Variants in NPHP4 observed in about 807,000 individuals in gnomAD.
The protein encoded by NPHP4 is nephrocystin-4.
In NPHP4, 151 loss-of-function variants were observed where a neutral mutation model predicts 155.8. That is an observed-to-expected ratio of 0.97 (90% CI 0.85 to 1.11). The LOEUF (loss-of-function observed/expected upper bound fraction) is 1.11, where lower values mean the gene tolerates loss of function less well. Among genes scored for constraint, NPHP4 ranks in the 50% least tolerant of loss-of-function variants. The pLI is 0.00. For missense variants in NPHP4, 1,956 were observed against 1,925.7 expected (o/e 1.02, Z -0.29); for synonymous variants, 845 against 816.8 (o/e 1.03, Z -0.59).
intron 18 of NPHP4, among the ~76,000 whole-genome samples, chr1:5,884,247 C>T (rs1310666338): frequency 6.6e-6 from 1 of 152,160 alleles, no homozygotes; most frequent in Non-Finnish European, 1.5e-5. Flanking sequence ...TGCAGCTGGA[C>T]CAAAGCCCGC....
Position 5,978,330 on chromosome 1 carries a change from C to T in NPHP4, c.219G>A (p.Arg73=). The part of the protein sequence containing the change: ...FDVTYRHFFG[R]TWKTTVKPTK... ...TCGGCTTCACTGTGGTTTTCCACGT[C>T]CTCCCAAAGAAGTGCCGGTAGGTGA... is the stretch of plus-strand genomic sequence containing the variant. Residue 73 remains arginine, a synonymous_variant, in exon 3 of 30, where the codon AGG becomes AGA. Coordinates refer to ENST00000378156, the MANE Select transcript of NPHP4 (RefSeq NM_015102.5). 6.2e-7 allele frequency: 1 copy of T among 1,609,796 alleles called. No homozygotes were observed. The highest frequency in any genetic ancestry group is 8.5e-7 in the Non-Finnish European group (1 of 1,178,280).
intron 7 of NPHP4, among the ~76,000 whole-genome samples, chr1:5,950,877 C>T (rs1647851261): frequency 6.6e-6 from 1 of 152,190 alleles, no homozygotes; most frequent in Non-Finnish European, 1.5e-5. Context: ...AGTCCATCAA[C>T]AGTAGAATGG....
chr1:5,991,774 G>C (rs1420723440), intron 1 of NPHP4, among the ~76,000 whole-genome samples: 2 of 151,984 alleles, frequency 1.3e-5, no homozygotes, highest in Non-Finnish European at 2.9e-5. Flanking sequence ...AGCTGGAGCC[G>C]GGGGGCGGGG....
In NPHP4 at chr1:5,875,071, C is replaced by A; in HGVS notation, c.2847G>T (p.Leu949Phe). 1 of 1,606,986 alleles carries A rather than the reference C, an allele frequency of 6.2e-7. No homozygotes were observed. Residue 949 changes from leucine (L) to phenylalanine (F), a missense_variant, in exon 21 of 30, where the codon TTG (leucine) becomes TTT (phenylalanine). Coordinates refer to ENST00000378156, the MANE Select transcript of NPHP4 (RefSeq NM_015102.5). ...AGGCGGCGATGACCTGTAGGTCCCGCAAGTGCTGTGTGCGGACGCTCTGCT... is the reference window on the plus strand; with the variant it reads ...AGGCGGCGATGACCTGTAGGTCCCGAAAGTGCTGTGTGCGGACGCTCTGCT... Reference protein sequence around the residue: ...LAQQSVRTQHLRDLQVIAAYR... With the variant: ...LAQQSVRTQHFRDLQVIAAYR...
intron 11 of NPHP4, among the ~76,000 whole-genome samples, chr1:5,925,386 C>T (rs1645945969): frequency 6.6e-6 from 1 of 152,134 alleles, no homozygotes. Flanking sequence ...ATATAAGGGA[C>T]TTGAGCATGT....
At chr1:5,955,293 T>C (rs72630637) in intron 6 of NPHP4, among the ~76,000 whole-genome samples, 1 of 152,264 alleles carries the variant, frequency 6.6e-6, no homozygotes, top group Non-Finnish European at 1.5e-5. Context: ...GGACTGCAAA[T>C]TACAACAGCC....
At chr1:5,864,181 G>T in intron 28 of NPHP4, 148 bp from the exon 29 acceptor site, 2 of 1,142,616 alleles carry the variant, frequency 1.8e-6, no homozygotes, top group Non-Finnish European at 2.5e-6. Context: ...TTCCATCCGG[G>T]AGAGACACAG....
rs760611028 is a variant in NPHP4 at position 5,877,093 on chromosome 1, C to A, written c.2817G>T (p.Leu939Phe). 6.4e-7 allele frequency: 1 copy of A among 1,552,170 alleles called. No individual in the cohort carries two copies. ...CAGTGACAGCTGAACAAACCCTTAC[C>A]AACACGCTCGTCCCGCGCCGGCCCA... Reference protein sequence around the residue: ...GDLGRRGTSVLAQQSVRTQHL... With the variant: ...GDLGRRGTSVFAQQSVRTQHL... Residue 939 changes from leucine to phenylalanine, a missense_variant and splice_region_variant, in exon 20 of 30, where the codon TTG becomes TTT. Coordinates refer to ENST00000378156, the MANE Select transcript of NPHP4 (RefSeq NM_015102.5).
At position 5,874,969 on chromosome 1, in the gene NPHP4, G is replaced by GACGGAGGAGA. The variant is rs1642423741; in HGVS notation, c.2948_2949insTCTCCTCCGT (p.Thr984LeufsTer12). 1 of 1,613,100 alleles carries GACGGAGGAGA rather than the reference G, an allele frequency of 6.2e-7. No individual in the cohort carries two copies. The highest frequency in any genetic ancestry group is 1.3e-5 in the African/African-American group (1 of 74,940). ...CAAAGAACTCGGCGACCCCCAGCGT[G>GACGGAGGAGA]GCGTGGAGCGTGTGCTCCGTGGTGA... On this transcript the variant is annotated frameshift_variant, in exon 21 of 30. Transcript: ENST00000378156. LOFTEE classifies it high-confidence loss of function.
At chr1:5,900,253 G>A (rs914799694) in intron 16 of NPHP4, among the ~76,000 whole-genome samples, 1 of 152,192 alleles carries the variant, frequency 6.6e-6, no homozygotes, top group African/African-American at 2.4e-5. Context: ...ACAACACCCT[G>A]TACACAAATG....
chr1:5,905,294 G>A lies in NPHP4; in HGVS notation c.1953C>T (p.Ser651=). The change falls in exon 15 of 30, where the codon AGC becomes AGT. Residue 651 remains serine, a splice_region_variant and synonymous_variant. Transcript: ENST00000378156. The surrounding 1 kb of genome is among the most constrained non-coding windows in gnomAD (Gnocchi z 4.0). ...NEMVLQFLAF[S]RVAQDCRGTS... Reference sequence around the variant, plus strand: ...TAACAGAATATTCAAGGATTTACCTGCTAAAGGCAAGAAACTGTAGCACCA... The same window carrying A: ...TAACAGAATATTCAAGGATTTACCTACTAAAGGCAAGAAACTGTAGCACCA... 1 of 1,611,662 alleles carries A rather than the reference G, an allele frequency of 6.2e-7. No homozygotes were observed. Among genetic ancestry groups the A allele is most frequent in the Non-Finnish European group, 8.5e-7 (1 of 1,177,738 alleles).
At chr1:5,873,850 C>T (rs970936629) in intron 22 of NPHP4, 12 of 237,226 alleles carry the variant, frequency 5.1e-5, no homozygotes, top group Admixed American at 2.2e-4. Context: ...ACACACACAA[C>T]TGCATGTCTG....
chr1:5,980,850 C>T (rs1300591399), intron 2 of NPHP4, among the ~76,000 whole-genome samples: 1 of 152,146 alleles, frequency 6.6e-6, no homozygotes, highest in Admixed American at 6.5e-5. Context: ...CATCACCACG[C>T]ACCGGGGCCT....
chr1:5,990,608 A>C (rs1022229390), intron 1 of NPHP4, among the ~76,000 whole-genome samples: 2 of 152,220 alleles, frequency 1.3e-5, no homozygotes, highest in African/African-American at 4.8e-5. Context: ...AGAAAGGATA[A>C]ACAGCCAATC....
chr1:5,867,007 G>C lies in NPHP4; in HGVS notation c.3558+23C>G, dbSNP rs761246650. ...GACTCACTGGGAAGGATCTGCCTGA[G>C]CTGGGGCCACAACACAACCTACCAC... On this transcript the variant is annotated intron_variant, in intron 25 of 29. Coordinates refer to ENST00000378156, the MANE Select transcript of NPHP4 (RefSeq NM_015102.5). This position sits in a 1 kb window ranked among gnomAD's most constrained non-coding sequence, Gnocchi z 4.1. The C allele has an allele frequency of 6.3e-7, 1 of 1,597,932 alleles. No individual in the cohort carries two copies. The highest frequency in any genetic ancestry group is 2.2e-5 in the East Asian group (1 of 44,702).
chr1:5,956,280 G>A (rs1373395168), intron 6 of NPHP4, among the ~76,000 whole-genome samples: 1 of 152,224 alleles, frequency 6.6e-6, no homozygotes, highest in African/African-American at 2.4e-5. Flanking sequence ...AAGAGGTTCT[G>A]TGTGGCCACC....
intron 11 of NPHP4, among the ~76,000 whole-genome samples, chr1:5,911,444 GC>G (rs1443319160): frequency 6.6e-6 from 1 of 152,242 alleles, no homozygotes; most frequent in Non-Finnish European, 1.5e-5. Context: ...TCGGGGGCCA[GC>G]CCTCCGTGCC....
intron 1 of NPHP4, among the ~76,000 whole-genome samples, chr1:5,987,866 A>G (rs1055394843): frequency 6.6e-6 from 1 of 152,190 alleles, no homozygotes; most frequent in African/African-American, 2.4e-5. Flanking sequence ...TTAGCATGTC[A>G]CTTCCGGGAA....
intron 27 of NPHP4, 37 bp from the exon 28 acceptor site, chr1:5,864,554 C>T: frequency 6.9e-7 from 1 of 1,458,398 alleles, no homozygotes. Context: ...AGCACAGCCT[C>T]TCAGGATGTG....
Sources: gnomAD v4.1 joint callset for allele counts (sites outside exome capture counted in the v4.1 genomes callset) on GRCh38, gnomAD v4.1.1 for gene constraint, Gnocchi (gnomAD v3.1) non-coding constraint, MANE v1.5 for transcripts, NCBI Gene and HGNC (gene_info 2026-07-23, HGNC 2026-07-21) for gene names.